NRG1: variants seen among roughly 807,000 people sequenced by gnomAD.
NRG1 encodes neuregulin 1, also known as pro-neuregulin-1, membrane-bound isoform.
Under a neutral mutation model 63.8 loss-of-function variants are expected in NRG1, and 18 were observed. The ratio of observed to expected loss-of-function variants is 0.28; its 90% confidence interval spans 0.19 to 0.42. NRG1 has a LOEUF of 0.42. Among genes scored for constraint, NRG1 ranks in the 10% least tolerant of loss-of-function variants. The pLI, the probability that NRG1 is intolerant of heterozygous loss-of-function variation, is 1.00. For missense variants in NRG1, 762 were observed against 814.7 expected, an observed-to-expected ratio of 0.94 and a Z score of 0.79; for synonymous variants, 302 against 301.3, an observed-to-expected ratio of 1.00 and a Z score of -0.02.
intron 1 of NRG1, among the ~76,000 whole-genome samples, chr8:32,384,252 TATAA>T (rs1339235306): frequency 1.3e-5 from 2 of 151,846 alleles, no homozygotes; most frequent in Admixed American, 6.6e-5. Flanking sequence ...ACAATAATAT[TATAA>T]ATAAATAAAT....
intron 1 of NRG1, among the ~76,000 whole-genome samples, chr8:31,646,121 G>T (rs1277024165): frequency 6.6e-6 from 1 of 152,196 alleles, no homozygotes; most frequent in African/African-American, 2.4e-5. Context: ...TGTTTCTGAT[G>T]GAGTCTTTGT....
chr8:32,400,485 G>A (rs577753490), intron 1 of NRG1, among the ~76,000 whole-genome samples: 8 of 152,212 alleles, frequency 5.3e-5, no homozygotes, highest in African/African-American at 1.4e-4. Flanking sequence ...CTGGGCAAAC[G>A]ACACGAACAG....
rs141912570 is a variant in NRG1 at position 32,508,923 on chromosome 8, T to C, written c.38-86905T>C. On this transcript the variant is annotated intron_variant, in intron 1 of 10. Coordinates refer to the NRG1 transcript ENST00000519301. ...ATAATTTTTATATTCTTAGTAGAGA[T>C]GGAGTCTCACCATGTTGGCAACGCT... Among the ~76,000 whole-genome samples, 365 of 151,840 alleles carry C rather than the reference T, an allele frequency of 2.4e-3. 1 individual carries two copies. Among genetic ancestry groups the C allele is most frequent in the African/African-American group, 8.0e-3 (333 of 41,430 alleles).
intron 1 of NRG1, among the ~76,000 whole-genome samples, chr8:31,972,950 T>C (rs1351027592): frequency 2.6e-5 from 4 of 152,230 alleles, no homozygotes; most frequent in Non-Finnish European, 2.9e-5. Context: ...ATACATAATA[T>C]ATAACTTCAC....
chr8:31,799,059 T>C (rs917334932), intron 1 of NRG1, among the ~76,000 whole-genome samples: 1 of 152,172 alleles, frequency 6.6e-6, no homozygotes, highest in African/African-American at 2.4e-5. Flanking sequence ...GAAATATATT[T>C]GGATTGCCAC....
chr8:32,092,302 A>G (rs1025190846), intron 1 of NRG1, among the ~76,000 whole-genome samples: 3 of 151,696 alleles, frequency 2.0e-5, no homozygotes, highest in Non-Finnish European at 4.4e-5. Context: ...CAAAAAATAG[A>G]AAAACTTAGC....
At chr8:31,820,218 A>G (rs1823872821) in intron 1 of NRG1, among the ~76,000 whole-genome samples, 2 of 152,154 alleles carry the variant, frequency 1.3e-5, no homozygotes, top group Admixed American at 6.5e-5. Context: ...AGGGCCAGAT[A>G]TCTATCCCCA....
At chr8:32,021,067 T>C (rs1295377576) in intron 1 of NRG1, among the ~76,000 whole-genome samples, 1 of 152,224 alleles carries the variant, frequency 6.6e-6, no homozygotes, top group Non-Finnish European at 1.5e-5. Context: ...GCGTTATATG[T>C]TTAAGCTGCC....
intron 1 of NRG1, among the ~76,000 whole-genome samples, chr8:31,905,342 A>G (rs1281252274): frequency 1.3e-5 from 2 of 152,172 alleles, no homozygotes; most frequent in Non-Finnish European, 2.9e-5. Flanking sequence ...CACACAAAAG[A>G]CAACAACATG....
At chr8:32,586,408 A>C (rs1027997159) in intron 1 of NRG1, among the ~76,000 whole-genome samples, 1 of 152,164 alleles carries the variant, frequency 6.6e-6, no homozygotes, top group Non-Finnish European at 1.5e-5. Flanking sequence ...ATCAGGGTGA[A>C]AAATTATCTC....
intron 1 of NRG1, among the ~76,000 whole-genome samples, chr8:31,863,836 C>T (rs1828697337): frequency 6.6e-6 from 1 of 152,140 alleles, no homozygotes. Flanking sequence ...AGATATTATA[C>T]TGGGCGCTCT....
intron 1 of NRG1, among the ~76,000 whole-genome samples, chr8:31,807,205 T>A (rs374960370): frequency 6.6e-6 from 1 of 152,202 alleles, no homozygotes; most frequent in African/African-American, 2.4e-5. Flanking sequence ...AGCATTTGCA[T>A]TTATCTGTGC....
chr8:31,894,477 G>T (rs776374), intron 1 of NRG1, among the ~76,000 whole-genome samples: 79,073 of 151,396 alleles, frequency 0.52, 21,344 homozygotes, highest in East Asian at 0.75. Context: ...TTAAAAGGCT[G>T]CATGAAAATA....
chr8:32,396,536 C>T (rs1812457457), intron 1 of NRG1, among the ~76,000 whole-genome samples: 1 of 152,158 alleles, frequency 6.6e-6, no homozygotes, highest in African/African-American at 2.4e-5. Context: ...GCAACCTCCA[C>T]CTCCCAGGCT....
At chr8:32,721,388 AG>A (rs1164509538) in intron 5 of NRG1, among the ~76,000 whole-genome samples, 4 of 152,174 alleles carry the variant, frequency 2.6e-5, no homozygotes, top group African/African-American at 9.7e-5. Flanking sequence ...GTCACCTTGT[AG>A]GAAGTCTACA....
chr8:32,729,636 G>C (rs1382432790), intron 6 of NRG1, among the ~76,000 whole-genome samples: 2 of 152,156 alleles, frequency 1.3e-5, no homozygotes, highest in East Asian at 3.8e-4. Context: ...ACCAGAAATA[G>C]TCAACAAAGC....
chr8:31,778,257 G>A (rs10113237), intron 1 of NRG1, among the ~76,000 whole-genome samples: 2,244 of 152,172 alleles, frequency 0.015, 61 homozygotes, highest in African/African-American at 0.051. Flanking sequence ...CTGACCCTAC[G>A]GCTTCCTGTC....
At chr8:32,288,039 T>C (rs1315404671) in intron 1 of NRG1, among the ~76,000 whole-genome samples, 1 of 152,200 alleles carries the variant, frequency 6.6e-6, no homozygotes, top group African/African-American at 2.4e-5. Context: ...GCTAATGTAC[T>C]AGTGATTAGA....
intron 1 of NRG1, among the ~76,000 whole-genome samples, chr8:32,352,973 G>GAGAC (rs1805832210): frequency 1.3e-5 from 2 of 149,766 alleles, no homozygotes; most frequent in Non-Finnish European, 3.0e-5. Context: ...CAGAGAGAGA[G>GAGAC]AGACAGAGAG....
Sources: allele counts gnomAD v4.1 joint callset (sites outside exome capture counted in the v4.1 genomes callset), GRCh38; gene constraint gnomAD v4.1.1; transcripts MANE v1.5; gene names NCBI Gene and HGNC (gene_info 2026-07-23, HGNC 2026-07-21).